The following MRAP variants were observed in gnomAD, a reference collection of about 807,000 sequenced individuals.
The protein encoded by MRAP is melanocortin 2 receptor accessory protein, also known as melanocortin-2 receptor accessory protein.
A neutral mutation model predicts 8.7 loss-of-function variants in MRAP; 8 were observed. The observed-to-expected ratio is 0.92, with a 90% confidence interval of 0.54 to 1.66. The LOEUF is 1.66. Ranked by LOEUF, MRAP falls within the 40% of genes most tolerant of loss-of-function variation. The pLI is 0.00. For missense variants in MRAP, 237 were observed against 217.1 expected (o/e 1.09, Z -0.58); for synonymous variants, 95 against 95.5 (o/e 1.00, Z 0.03).
chr21:32,312,432 T>G, downstream of MRAP: 201 of 648,662 alleles, frequency 3.1e-4, no homozygotes, highest in Middle Eastern at 6.8e-4. Flanking sequence ...ACCCGCCGGC[T>G]CCCCCAGATG....
upstream of MRAP, among the ~76,000 whole-genome samples, chr21:32,294,067 T>C (rs2032097449): frequency 1.3e-5 from 2 of 152,148 alleles, no homozygotes; most frequent in South Asian, 4.1e-4. Context: ...TAGGAAGGTC[T>C]TTTTAATTTT....
chr21:32,314,545 T>C (rs1423181221), downstream of MRAP: 2 of 1,612,870 alleles, frequency 1.2e-6, no homozygotes, highest in Admixed American at 1.7e-5. Flanking sequence ...CCTTTTGACA[T>C]TTCAGCTTTA....
At chr21:32,293,308 T>G (rs1459617818) in intron 2 of MRAP, among the ~76,000 whole-genome samples, 1 of 151,076 alleles carries the variant, frequency 6.6e-6, no homozygotes, top group African/African-American at 2.4e-5. Context: ...CATTACAGGC[T>G]ACTGGCCTCC....
Position 32,293,512 on chromosome 21 carries a change from G to A in MRAP, c.-11+380G>A, listed in dbSNP as rs1434122603. On this transcript the variant is annotated intron_variant, in intron 2 of 4. Transcript: ENST00000399784. Reference sequence around the variant, plus strand: ...TGTATCTGGCTGTATCCAGCTCTTTGCCTGGAAAATGAGGTCCCACCACCT... The same window carrying A: ...TGTATCTGGCTGTATCCAGCTCTTTACCTGGAAAATGAGGTCCCACCACCT... Among the ~76,000 whole-genome samples the A allele has an allele frequency of 3.9e-5, 6 of 152,194 alleles. No homozygotes were observed. In the East Asian group the frequency reaches 9.7e-4, roughly 24 times the overall value.
intron 1 of MRAP, among the ~76,000 whole-genome samples, chr21:32,301,418 C>A (rs1198565551): frequency 1.3e-5 from 2 of 152,196 alleles, no homozygotes; most frequent in African/African-American, 2.4e-5. Context: ...TCCTCTTGCT[C>A]TGGCCATGGA....
intron 1 of MRAP, 41 bp from the exon 2 acceptor site, chr21:32,306,599 T>A: frequency 6.4e-7 from 1 of 1,556,554 alleles, no homozygotes. Flanking sequence ...TGCTTTATGT[T>A]GACATAACCC....
In MRAP at chr21:32,311,844, C is replaced by A. The variant is rs2032584251; in HGVS notation, c.367C>A (p.Leu123Ile). ...GAGCAGAACTGGCCCTGACCAGCCG[C>A]TACGACAGGAGAGCTCCTCCACCTT... is the stretch of plus-strand genomic sequence containing the variant. ...PGSRTGPDQPLRQESSSTLPL... is the reference protein window; with the variant it reads ...PGSRTGPDQPIRQESSSTLPL... Residue 123 changes from leucine (L) to isoleucine (I), a missense_variant, in exon 3 of 3, where the codon CTA becomes ATA. Coordinates refer to ENST00000303645, the MANE Select transcript of MRAP (RefSeq NM_001379228.1). The A allele has an allele frequency of 6.2e-7, 1 of 1,614,014 alleles. No individual in the cohort carries two copies. The highest frequency in any genetic ancestry group is 1.7e-5 in the Admixed American group (1 of 60,008).
At chr21:32,306,550 T>C in intron 1 of MRAP, 90 bp from the exon 2 acceptor site, 1 of 1,070,158 alleles carries the variant, frequency 9.3e-7, no homozygotes, top group Non-Finnish European at 1.4e-6. Flanking sequence ...AGGGCCCTCA[T>C]TCCACAATAC....
downstream of MRAP, chr21:32,314,693 A>G (rs1568804714): frequency 1.9e-6 from 3 of 1,589,662 alleles, no homozygotes; most frequent in Non-Finnish European, 1.7e-6. Context: ...AAGTCCCCAC[A>G]TTCCTTGCAA....
At chr21:32,307,051 T>A (rs1018802405) in intron 2 of MRAP, among the ~76,000 whole-genome samples, 3 of 152,190 alleles carry the variant, frequency 2.0e-5, no homozygotes, top group African/African-American at 7.2e-5. Flanking sequence ...TAAAAAGGGA[T>A]GGAGTTCTGA....
chr21:32,298,837 C>G, upstream of MRAP: 1 of 705,196 alleles, frequency 1.4e-6, no homozygotes. Context: ...AGTGGGCAGA[C>G]CTTGAGCCTA....
chr21:32,314,295 C>T (rs1301535791), downstream of MRAP: 1 of 400,416 alleles, frequency 2.5e-6, no homozygotes, highest in African/African-American at 2.1e-5. Context: ...AGCGATTCCC[C>T]TGCCTTAGCC....
chr21:32,304,962 G>GTTTT (rs1319327133), intron 1 of MRAP, among the ~76,000 whole-genome samples: 1 of 100,356 alleles, frequency 1.0e-5, no homozygotes, highest in African/African-American at 4.0e-5. Flanking sequence ...TGTTTTTTTT[G>GTTTT]TTGTTTTTTT....
upstream of MRAP, chr21:32,298,780 G>A: frequency 8.8e-6 from 5 of 570,146 alleles, no homozygotes; most frequent in Non-Finnish European, 1.3e-5. Context: ...TGCTGGCGTT[G>A]TGAGACACAC....
At position 32,311,849 on chromosome 21, in the gene MRAP, A is replaced by T; in HGVS notation, c.372A>T (p.Arg124=). Residue 124 remains arginine, a synonymous_variant, in exon 3 of 3, where the codon CGA becomes CGT. Coordinates refer to ENST00000303645, the MANE Select transcript of MRAP (RefSeq NM_001379228.1). ...GSRTGPDQPL[R]QESSSTLPLG... The stretch of plus-strand genomic sequence containing the variant: ...GAACTGGCCCTGACCAGCCGCTACG[A>T]CAGGAGAGCTCCTCCACCTTGCCCC... 1 of 1,614,104 alleles carries T rather than the reference A, an allele frequency of 6.2e-7. No homozygotes were observed. The highest frequency in any genetic ancestry group is 8.5e-7 in the Non-Finnish European group (1 of 1,180,036).
intron 2 of MRAP, chr21:32,308,838 T>A (rs577700770): frequency 6.6e-6 from 1 of 152,558 alleles, no homozygotes; most frequent in Non-Finnish European, 1.5e-5. Context: ...GGTGCCATTA[T>A]AGACCATTAT....
intron 1 of MRAP, among the ~76,000 whole-genome samples, chr21:32,299,855 TC>T (rs747566159): frequency 6.6e-6 from 1 of 152,206 alleles, no homozygotes; most frequent in African/African-American, 2.4e-5. Flanking sequence ...TGACTTCACT[TC>T]TTTTTGCTCA....
At chr21:32,300,279 C>G (rs1314301579) in intron 1 of MRAP, among the ~76,000 whole-genome samples, 1 of 152,198 alleles carries the variant, frequency 6.6e-6, no homozygotes, top group Non-Finnish European at 1.5e-5. Flanking sequence ...CCTGTAATCC[C>G]AGCACTTTGG....
At chr21:32,293,592 A>C (rs1250809579) in intron 2 of MRAP, among the ~76,000 whole-genome samples, 1 of 152,186 alleles carries the variant, frequency 6.6e-6, no homozygotes, top group Non-Finnish European at 1.5e-5. Flanking sequence ...TCATCGTTCA[A>C]TAAACGTTTG....
Sources: gnomAD v4.1 joint callset for allele counts (sites outside exome capture counted in the v4.1 genomes callset) on GRCh38, gnomAD v4.1.1 for gene constraint, MANE v1.5 for transcripts, NCBI Gene and HGNC (gene_info 2026-07-23, HGNC 2026-07-21) for gene names.